Variants in IL1RAPL2 observed in about 807,000 individuals in gnomAD.
IL1RAPL2 encodes X-linked interleukin-1 receptor accessory protein-like 2.
Under a neutral mutation model 44.1 loss-of-function variants are expected in IL1RAPL2, and 3 were observed. The ratio of observed to expected loss-of-function variants is 0.07; its 90% confidence interval spans 0.03 to 0.18. IL1RAPL2 has a LOEUF of 0.18. Among genes scored for constraint, IL1RAPL2 ranks in the 10% least tolerant of loss-of-function variants. The probability of loss-of-function intolerance (pLI) is 1.00; values close to 1 mark genes in which losing one functional copy is unlikely to be tolerated. For synonymous variants in IL1RAPL2, 181 were observed against 178.8 expected (o/e 1.01, Z -0.10); for missense variants, 391 against 496.4 (o/e 0.79, Z 2.02).
At position 104,764,108 on chromosome X, in the gene IL1RAPL2, T is replaced by C. The variant is rs139493978; in HGVS notation, c.82+105113T>C. The stretch of plus-strand genomic sequence containing the variant: ...CTATTTCTGTGAAGAATGTCATTGG[T>C]ATTTTGATAGGGATGGCATTGAATC... On this transcript the variant is annotated intron_variant, in intron 2 of 10. Coordinates refer to ENST00000372582, the MANE Select transcript of IL1RAPL2 (RefSeq NM_017416.2). Among the ~76,000 whole-genome samples the C allele has an allele frequency of 1.7e-3, 188 of 111,282 alleles. 5 individuals are homozygous for C. The East Asian group carries it at 0.047, about 28-fold the overall frequency.
rs749713800 is a variant in IL1RAPL2, at chrX:105,067,527, A to G, written c.83-127948A>G. Among the ~76,000 whole-genome samples, 9 of 111,554 alleles carry G rather than the reference A, an allele frequency of 8.1e-5. No homozygotes were observed. The South Asian group carries it at 2.6e-3, about 33-fold the overall frequency. ...CTGTTCCAAGCATTCTATAATAGCT[A>G]CTCATTTAATTCTCATACCAACCCT... On this transcript the variant is annotated intron_variant, in intron 2 of 10. Transcript: ENST00000372582.
chrX:105,630,886 T>G (rs1275814149), intron 6 of IL1RAPL2, among the ~76,000 whole-genome samples: 2 of 111,264 alleles, frequency 1.8e-5, no homozygotes, highest in Non-Finnish European at 3.8e-5. Flanking sequence ...CAAAACCTAT[T>G]TCTTCTCTGG....
At chrX:105,256,966 T>C (rs1437800019) in intron 4 of IL1RAPL2, among the ~76,000 whole-genome samples, 1 of 111,702 alleles carries the variant, frequency 9.0e-6, no homozygotes, top group Non-Finnish European at 1.9e-5. Context: ...ATTTTTGTTA[T>C]TTCTTGTCTT....
intron 2 of IL1RAPL2, among the ~76,000 whole-genome samples, chrX:104,711,922 A>G (rs1410056108): frequency 9.0e-6 from 1 of 111,263 alleles, no homozygotes; most frequent in Admixed American, 9.6e-5. Flanking sequence ...GCTATTAGAG[A>G]AAGCTATGGG....
intron 2 of IL1RAPL2, among the ~76,000 whole-genome samples, chrX:104,977,257 C>T (rs907702522): frequency 3.6e-5 from 4 of 111,905 alleles, no homozygotes; most frequent in African/African-American, 1.3e-4. Context: ...GGATTGTTTA[C>T]CTGCCAGCCT....
In IL1RAPL2 at chrX:105,764,185, C is replaced by T. The variant is rs72618314; in HGVS notation, c.1364-2779C>T. On this transcript the variant is annotated intron_variant, in intron 10 of 10. Transcript: ENST00000372582. ...CCTTTAACTCCCACACCCCGTGTAG[C>T]TAAGTATAGTGGGACCTGTACTGAC... Among the ~76,000 whole-genome samples the T allele has an allele frequency of 1.4e-3, 155 of 111,576 alleles. 2 individuals carry two copies. The East Asian group carries it at 0.039, about 28-fold the overall frequency.
chrX:105,375,382 G>T (rs2035379687), intron 5 of IL1RAPL2, among the ~76,000 whole-genome samples: 1 of 111,315 alleles, frequency 9.0e-6, no homozygotes, highest in Non-Finnish European at 1.9e-5. Flanking sequence ...GTGGTGGCAC[G>T]TGCCTGTAGT....
chrX:104,882,835 T>C (rs1923108777), intron 2 of IL1RAPL2, among the ~76,000 whole-genome samples: 1 of 111,699 alleles, frequency 9.0e-6, no homozygotes, highest in Non-Finnish European at 1.9e-5. Context: ...TAACACTCAC[T>C]GAGAAGGTCT....
At chrX:104,917,557 A>C (rs1346959957) in intron 2 of IL1RAPL2, among the ~76,000 whole-genome samples, 1 of 111,774 alleles carries the variant, frequency 8.9e-6, no homozygotes, top group Non-Finnish European at 1.9e-5. Flanking sequence ...TAAAGTCACT[A>C]ACATGCAGGA....
intron 2 of IL1RAPL2, among the ~76,000 whole-genome samples, chrX:105,001,988 C>G (rs1569358831): frequency 9.0e-6 from 1 of 110,748 alleles, no homozygotes; most frequent in Non-Finnish European, 1.9e-5. Context: ...AAAGTGAAAG[C>G]AAAGGGGGTA....
intron 6 of IL1RAPL2, among the ~76,000 whole-genome samples, chrX:105,625,581 G>A (rs1456537239): frequency 9.0e-6 from 1 of 111,535 alleles, no homozygotes; most frequent in East Asian, 2.8e-4. Flanking sequence ...ATTCTTATTT[G>A]GAGCTTATTT....
intron 1 of IL1RAPL2, among the ~76,000 whole-genome samples, chrX:104,626,367 A>AT: frequency 9.2e-6 from 1 of 108,387 alleles, no homozygotes; most frequent in Non-Finnish European, 1.9e-5. Context: ...CTGAGGCATA[A>AT]TTCGGTATTT....
At chrX:105,525,489 T>C (rs1336773075) in intron 6 of IL1RAPL2, among the ~76,000 whole-genome samples, 1 of 111,442 alleles carries the variant, frequency 9.0e-6, no homozygotes, top group Non-Finnish European at 1.9e-5. Flanking sequence ...GTTTACTCCC[T>C]CTTTATTTTT....
chrX:105,094,665 GTC>G (rs2032584179), intron 2 of IL1RAPL2, among the ~76,000 whole-genome samples: 1 of 110,847 alleles, frequency 9.0e-6, no homozygotes, highest in South Asian at 3.8e-4. Context: ...TGGTCATTGA[GTC>G]TCTTGTAATT....
chrX:104,605,536 TC>T (rs781650113), intron 1 of IL1RAPL2, among the ~76,000 whole-genome samples: 8 of 111,418 alleles, frequency 7.2e-5, no homozygotes, highest in Non-Finnish European at 1.5e-4. Flanking sequence ...AGGAGCTGGT[TC>T]TGTGAAAAGA....
In IL1RAPL2 at chrX:104,930,183, A is replaced by G. The variant is rs535715180; in HGVS notation, c.83-265292A>G. On this transcript the variant is annotated intron_variant, in intron 2 of 10. Transcript: ENST00000372582. The stretch of plus-strand genomic sequence containing the variant: ...GCTACAATGGTCTTTCTTCTATCCT[A>G]TGACCATTTGCTAAGCTCTTGAAAC... Among the ~76,000 whole-genome samples, 160 of 112,238 alleles carry G rather than the reference A, an allele frequency of 1.4e-3. 1 individual carries two copies. The highest frequency in any genetic ancestry group is 4.8e-3 in the African/African-American group (148 of 30,971).
intron 1 of IL1RAPL2, among the ~76,000 whole-genome samples, chrX:104,570,174 TG>T (rs1384166936): frequency 8.9e-6 from 1 of 112,183 alleles, no homozygotes; most frequent in Non-Finnish European, 1.9e-5. Flanking sequence ...TTTTCAAGGC[TG>T]GTTTCTAGCT....
chrX:104,623,471 T>C (rs1308259741), intron 1 of IL1RAPL2, among the ~76,000 whole-genome samples: 1 of 110,714 alleles, frequency 9.0e-6, no homozygotes, highest in East Asian at 2.9e-4. Context: ...TTGAATGACA[T>C]AACATTGGTA....
At chrX:105,093,919 G>C (rs2032574540) in intron 2 of IL1RAPL2, among the ~76,000 whole-genome samples, 1 of 111,583 alleles carries the variant, frequency 9.0e-6, no homozygotes, top group Non-Finnish European at 1.9e-5. Context: ...CCTTAAAAGA[G>C]ATTAAATAAG....
Sources: gnomAD v4.1 joint callset for allele counts (sites outside exome capture counted in the v4.1 genomes callset) on GRCh38, gnomAD v4.1.1 for gene constraint, MANE v1.5 for transcripts, NCBI Gene and HGNC (gene_info 2026-07-23, HGNC 2026-07-21) for gene names.